The following RHBDL3 variants were observed in gnomAD, a reference collection of about 807,000 sequenced individuals.
The protein encoded by RHBDL3 is rhomboid like 3.
RHBDL3 carries 28 observed loss-of-function variants against 48.2 expected under a neutral mutation model. That is an observed-to-expected ratio of 0.58 (90% CI 0.43 to 0.80). The LOEUF is 0.80. RHBDL3 is among the 30% of genes least tolerant of loss of function. The pLI, the probability that RHBDL3 is intolerant of heterozygous loss-of-function variation, is 0.00. For missense variants in RHBDL3, 464 were observed against 542.7 expected (o/e 0.85, Z 1.44); for synonymous variants, 208 against 232.3 (o/e 0.90, Z 0.95).
chr17:32,284,676 A>C lies in RHBDL3; in HGVS notation c.153A>C (p.Thr51=), dbSNP rs1173593587. The C allele has an allele frequency of 6.2e-7, 1 of 1,614,132 alleles. No individual in the cohort carries two copies. The highest frequency in any genetic ancestry group is 8.5e-7 in the Non-Finnish European group (1 of 1,179,952). Residue 51 remains threonine, a synonymous_variant, in exon 3 of 9, where the codon ACA becomes ACC. Coordinates refer to ENST00000269051, the MANE Select transcript of RHBDL3 (RefSeq NM_138328.3). ...TCCCTCAGTTTGACCCTGGGAACAC[A>C]GGCTACATTAGCACAGGCAAGTTCC... is the stretch of plus-strand genomic sequence containing the variant. ...VLFDQFDPGN[T]GYISTGKFRS...
chr17:32,291,323 A>C (rs2040322381), intron 4 of RHBDL3, among the ~76,000 whole-genome samples: 1 of 150,388 alleles, frequency 6.6e-6, no homozygotes, highest in African/African-American at 2.5e-5. Flanking sequence ...ACAGAGCAAG[A>C]CTCCGTCTCA....
chr17:32,302,531 GTA>G (rs141019006), intron 6 of RHBDL3, among the ~76,000 whole-genome samples: 10,253 of 122,394 alleles, frequency 0.084, 578 homozygotes, highest in African/African-American at 0.16. Flanking sequence ...GCTAATTTTT[GTA>G]TATATATATA....
chr17:32,302,786 A>G (rs2040617365), intron 6 of RHBDL3, among the ~76,000 whole-genome samples: 1 of 152,118 alleles, frequency 6.6e-6, no homozygotes, highest in African/African-American at 2.4e-5. Context: ...TCTTAGGCCA[A>G]GACTCAGGTC....
intron 2 of RHBDL3, among the ~76,000 whole-genome samples, chr17:32,277,900 G>A (rs2039952237): frequency 6.6e-6 from 1 of 152,202 alleles, no homozygotes; most frequent in Non-Finnish European, 1.5e-5. Flanking sequence ...CCTTGATATG[G>A]TGCGTTATGA....
chr17:32,297,331 G>A (rs550678222), intron 5 of RHBDL3, among the ~76,000 whole-genome samples: 1 of 152,180 alleles, frequency 6.6e-6, no homozygotes, highest in African/African-American at 2.4e-5. Flanking sequence ...AGCCGGGCAT[G>A]GTGGCCTGTA....
At chr17:32,276,625 C>T (rs561687651) in intron 2 of RHBDL3, among the ~76,000 whole-genome samples, 1 of 152,206 alleles carries the variant, frequency 6.6e-6, no homozygotes, top group South Asian at 2.1e-4. Flanking sequence ...CTGCCTGCAC[C>T]ATACTTCAGC....
chr17:32,276,245 CA>C (rs1423489133), intron 2 of RHBDL3, among the ~76,000 whole-genome samples: 1 of 141,432 alleles, frequency 7.1e-6, no homozygotes, highest in Non-Finnish European at 1.5e-5. Context: ...GGCATGAGAA[CA>C]AAAAAACAAA....
chr17:32,300,428 G>A (rs2150733846), intron 6 of RHBDL3, among the ~76,000 whole-genome samples: 1 of 152,174 alleles, frequency 6.6e-6, no homozygotes, highest in Non-Finnish European at 1.5e-5. Flanking sequence ...GTGTAGGCCT[G>A]TAGTCCCACC....
intron 7 of RHBDL3, among the ~76,000 whole-genome samples, chr17:32,310,089 C>A (rs1049007456): frequency 2.0e-5 from 3 of 152,102 alleles, no homozygotes; most frequent in Non-Finnish European, 4.4e-5. Flanking sequence ...ACAGATACAC[C>A]TAATTGAATA....
Position 32,321,029 on chromosome 17 carries a change from A to G in RHBDL3, c.1015A>G (p.Ser339Gly). Residue 339 changes from serine (S) to glycine (G), a missense_variant, in exon 9 of 9, where the codon AGC (serine) becomes GGC (glycine). Transcript: ENST00000269051. ...GGCCTATCCCCCGTGCCCTCACCCA[A>G]GCTTTGTGGCGCACTTGGGTGGCGT... ...PSAYPPCPHP[S>G]FVAHLGGVAV... 2 of 1,614,174 alleles carry G rather than the reference A, an allele frequency of 1.2e-6. No individual in the cohort carries two copies. The highest frequency in any genetic ancestry group is 1.7e-6 in the Non-Finnish European group (2 of 1,180,016).
At chr17:32,283,237 A>G (rs1373863382) in intron 2 of RHBDL3, among the ~76,000 whole-genome samples, 2 of 150,742 alleles carry the variant, frequency 1.3e-5, no homozygotes, top group African/African-American at 4.9e-5. Context: ...TGCTGTGGGC[A>G]TTGGGTGGGC....
chr17:32,278,638 G>T (rs1343880503), intron 2 of RHBDL3, among the ~76,000 whole-genome samples: 8 of 152,164 alleles, frequency 5.3e-5, no homozygotes, highest in Non-Finnish European at 1.0e-4. Flanking sequence ...CCCTCTGCCT[G>T]GATATGAATC....
At chr17:32,312,955 G>C (rs1449809251) in intron 7 of RHBDL3, among the ~76,000 whole-genome samples, 1 of 151,992 alleles carries the variant, frequency 6.6e-6, no homozygotes, top group East Asian at 1.9e-4. Flanking sequence ...CACTACAAGT[G>C]CACACCACCA....
chr17:32,301,650 G>A (rs2040585958), intron 6 of RHBDL3, among the ~76,000 whole-genome samples: 1 of 151,940 alleles, frequency 6.6e-6, no homozygotes, highest in South Asian at 2.1e-4. Flanking sequence ...GTGAAACCCT[G>A]TCTCTACTGA....
chr17:32,275,920 C>T (rs762768632), intron 2 of RHBDL3, among the ~76,000 whole-genome samples: 1 of 152,154 alleles, frequency 6.6e-6, no homozygotes, highest in Non-Finnish European at 1.5e-5. Flanking sequence ...AAGGGCCCCT[C>T]ATGCCTCCAT....
At chr17:32,314,987 G>T (rs1012497704) in intron 7 of RHBDL3, among the ~76,000 whole-genome samples, 10 of 152,252 alleles carry the variant, frequency 6.6e-5, no homozygotes, top group South Asian at 6.2e-4. Flanking sequence ...TGAAGAAGGG[G>T]TTGCTGGTCA....
At chr17:32,281,841 G>C (rs1417416724) in intron 2 of RHBDL3, among the ~76,000 whole-genome samples, 1 of 152,150 alleles carries the variant, frequency 6.6e-6, no homozygotes, top group Admixed American at 6.5e-5. Flanking sequence ...TCACCTATTT[G>C]GTCCTTAAAT....
chr17:32,295,499 A>C (rs1271017550), intron 5 of RHBDL3, among the ~76,000 whole-genome samples: 2 of 152,216 alleles, frequency 1.3e-5, no homozygotes, highest in African/African-American at 4.8e-5. Context: ...TGCTTCACTC[A>C]CATCCACTCA....
intron 8 of RHBDL3, among the ~76,000 whole-genome samples, chr17:32,316,790 T>G (rs890748553): frequency 6.6e-6 from 1 of 152,100 alleles, no homozygotes; most frequent in Non-Finnish European, 1.5e-5. Flanking sequence ...GTTGCTGGGA[T>G]TACAGGTGTG....
Sources: gnomAD v4.1 joint callset for allele counts (sites outside exome capture counted in the v4.1 genomes callset) on GRCh38, gnomAD v4.1.1 for gene constraint, MANE v1.5 for transcripts, NCBI Gene and HGNC (gene_info 2026-07-23, HGNC 2026-07-21) for gene names.